ZDHHC18: variants seen among roughly 807,000 people sequenced by gnomAD.
ZDHHC18 encodes zDHHC palmitoyltransferase 18.
In ZDHHC18, 23 loss-of-function variants were observed where a neutral mutation model predicts 37.5. The observed-to-expected ratio is 0.61, with a 90% CI of 0.44 to 0.87. The LOEUF is 0.87. ZDHHC18 is among the 40% of genes least tolerant of loss of function. The pLI is 0.00. For missense variants in ZDHHC18, 406 were observed against 525.6 expected, an observed-to-expected ratio of 0.77 and a Z score of 2.22; for synonymous variants, 185 against 218.7, an observed-to-expected ratio of 0.85 and a Z score of 1.36.
intron 2 of ZDHHC18, among the ~76,000 whole-genome samples, chr1:26,846,517 C>T (rs530092666): frequency 2.0e-5 from 3 of 149,946 alleles, no homozygotes; most frequent in South Asian, 2.1e-4. Context: ...TTAGTAGAGA[C>T]GGGGTTTCAC....
Position 26,853,759 on chromosome 1 carries a change from C to T in ZDHHC18, c.1083C>T (p.Asp361=), listed in dbSNP as rs1343822136. The T allele has an allele frequency of 4.3e-6, 7 of 1,613,980 alleles. No individual in the cohort carries two copies. The highest frequency in any genetic ancestry group is 1.7e-5 in the Admixed American group (1 of 60,002). Residue 361 remains aspartate, a synonymous_variant, in exon 8 of 8, where the codon GAC becomes GAT. Transcript: ENST00000374142. ...ACCGGAGGGGATTTGTGCAGTCCGA[C>T]ACCGTGTTGCCCTCACCCATCAGAA... The part of the protein sequence containing the change: ...LIDRRGFVQS[D]TVLPSPIRSD...
intron 2 of ZDHHC18, among the ~76,000 whole-genome samples, chr1:26,846,348 G>A (rs1234266575): frequency 1.6e-4 from 11 of 70,756 alleles, no homozygotes; most frequent in African/African-American, 4.9e-4. Context: ...TTTTTTTGAG[G>A]CAGAGTCTCG....
At chr1:26,845,467 G>T (rs2081659307) in intron 2 of ZDHHC18, among the ~76,000 whole-genome samples, 1 of 148,454 alleles carries the variant, frequency 6.7e-6, no homozygotes, top group African/African-American at 2.5e-5. Context: ...TGAGTAGCTG[G>T]GATTACAGGC....
At chr1:26,830,518 T>C (rs563565977) in intron 1 of ZDHHC18, among the ~76,000 whole-genome samples, 3 of 151,988 alleles carry the variant, frequency 2.0e-5, no homozygotes, top group East Asian at 1.9e-4. Context: ...ATCTACATAG[T>C]ACAGTAACTA....
In ZDHHC18 at chr1:26,846,791, A is replaced by G. The variant is rs190035818; in HGVS notation, c.497-1817A>G. 1.1e-3 allele frequency among the ~76,000 whole-genome samples: 164 copies of G among 152,326 alleles called. 1 individual carries two copies. The highest frequency in any genetic ancestry group is 6.8e-3 in the Middle Eastern group (2 of 294). ...TATTTCATAGTAAATTATAGACATC[A>G]TAGATACTTTACCTATAAATATTTC... On this transcript the variant is annotated intron_variant, in intron 2 of 7. Transcript: ENST00000374142.
intron 2 of ZDHHC18, among the ~76,000 whole-genome samples, chr1:26,841,823 A>G (rs1041622057): frequency 6.6e-5 from 10 of 152,076 alleles, no homozygotes; most frequent in African/African-American, 2.4e-4. Context: ...GACTTGACCC[A>G]TCTCTATTTT....
chr1:26,848,315 GA>G (rs35673760), intron 2 of ZDHHC18, among the ~76,000 whole-genome samples: 139 of 138,952 alleles, frequency 1.0e-3, no homozygotes, highest in Middle Eastern at 3.7e-3. Flanking sequence ...TCTGCCTCAG[GA>G]AAAAAAAAAA....
In ZDHHC18 at chr1:26,851,120, T is replaced by C; in HGVS notation, c.834-9T>C. The stretch of plus-strand genomic sequence containing the variant: ...CCCTCCACCCATTGAAGTCCTTAAC[T>C]GCCCTCACCGTGCTGGAGTTGGTGA... On this transcript the variant is annotated splice_polypyrimidine_tract_variant and intron_variant, in intron 5 of 7. Coordinates refer to ENST00000374142, the MANE Select transcript of ZDHHC18 (RefSeq NM_032283.3). 3 of 1,613,922 alleles carry C rather than the reference T, an allele frequency of 1.9e-6. No individual in the cohort carries two copies. Among genetic ancestry groups the C allele is most frequent in the Non-Finnish European group, 2.5e-6 (3 of 1,179,768 alleles).
chr1:26,831,443 G>T (rs1405016341), intron 1 of ZDHHC18, among the ~76,000 whole-genome samples: 1 of 152,192 alleles, frequency 6.6e-6, no homozygotes, highest in African/African-American at 2.4e-5. Context: ...GAAAGCAATT[G>T]GGAGGTTTTA....
chr1:26,838,186 A>C (rs972285701), intron 2 of ZDHHC18, among the ~76,000 whole-genome samples: 1 of 150,114 alleles, frequency 6.7e-6, no homozygotes, highest in African/African-American at 2.5e-5. Context: ...GTAGAGATGG[A>C]GTTTCTCCAT....
At chr1:26,832,208 A>G in intron 1 of ZDHHC18, 1 of 524,368 alleles carries the variant, frequency 1.9e-6, no homozygotes, top group Non-Finnish European at 3.4e-6. Flanking sequence ...TCTATTGGAC[A>G]CATCTGCCAT....
chr1:26,827,520 C>G (rs2124242791), intron 1 of ZDHHC18, among the ~76,000 whole-genome samples: 1 of 151,948 alleles, frequency 6.6e-6, no homozygotes, highest in African/African-American at 2.4e-5. Flanking sequence ...TTGAACAGGC[C>G]CCTCCTGCTC....
chr1:26,849,745 C>T (rs546130981), intron 3 of ZDHHC18, among the ~76,000 whole-genome samples: 4 of 152,338 alleles, frequency 2.6e-5, no homozygotes, highest in East Asian at 1.9e-4. Context: ...CTCCCTGGGC[C>T]GCTAGTCCTA....
At chr1:26,827,557 A>G (rs1357394095) in intron 1 of ZDHHC18, among the ~76,000 whole-genome samples, 1 of 149,982 alleles carries the variant, frequency 6.7e-6, no homozygotes, top group Admixed American at 6.6e-5. Flanking sequence ...TCTCTTGCCA[A>G]CCCCCCAAGT....
intron 2 of ZDHHC18, among the ~76,000 whole-genome samples, chr1:26,837,460 ATTATTTAT>A (rs756559483): frequency 1.1e-3 from 166 of 144,974 alleles, no homozygotes; most frequent in African/African-American, 2.8e-3. Context: ...TATTATGTAT[ATTATTTAT>A]TTATTTATTT....
In ZDHHC18 at chr1:26,852,996, G is replaced by T. The variant is rs187777072; in HGVS notation, c.1049+131G>T. ...GTCCACTACCCCCTGGAGGGCATTTGTCATGTGACGGAATTCCATGGAGAA... is the reference window on the plus strand; with the variant it reads ...GTCCACTACCCCCTGGAGGGCATTTTTCATGTGACGGAATTCCATGGAGAA... On this transcript the variant is annotated intron_variant, in intron 7 of 7. Coordinates refer to ENST00000374142, the MANE Select transcript of ZDHHC18 (RefSeq NM_032283.3). The T allele has an allele frequency of 1.5e-3, 1,022 of 678,766 alleles. 8 individuals are homozygous for T. In the African/African-American group the frequency reaches 0.017, roughly 11 times the overall value. 42.0% of individuals were successfully genotyped at this position (678,766 alleles called of 1,614,324 possible). A position where few individuals can be genotyped will look rare whatever the true frequency, so the allele number is the denominator to read the frequency against.
intron 2 of ZDHHC18, among the ~76,000 whole-genome samples, chr1:26,836,457 C>A (rs1441374613): frequency 6.6e-6 from 1 of 152,146 alleles, no homozygotes; most frequent in Admixed American, 6.6e-5. Context: ...ACAAACCCCA[C>A]AGAATTTGGG....
At chr1:26,835,896 C>T (rs1353685587) in intron 2 of ZDHHC18, among the ~76,000 whole-genome samples, 1 of 152,088 alleles carries the variant, frequency 6.6e-6, no homozygotes, top group South Asian at 2.1e-4. Flanking sequence ...CAACTCCAGC[C>T]CAACAGGTCT....
Position 26,826,921 on chromosome 1 carries a change from G to T in ZDHHC18, c.117G>T (p.Pro39=), listed in dbSNP as rs1334361147. The T allele has an allele frequency of 1.2e-5, 12 of 1,017,528 alleles. No homozygotes were observed. Among genetic ancestry groups the T allele is most frequent in the Non-Finnish European group, 1.4e-5 (12 of 852,630 alleles). 63.0% of individuals were successfully genotyped at this position (1,017,528 alleles called of 1,614,324 possible). A position where few individuals can be genotyped will look rare whatever the true frequency, so the allele number is the denominator to read the frequency against. ...CGACTCCGGGCCCCGGGCCCGCGCCGCCCGCCGCCCCCGCCCCGCCGCGCT... is the reference window on the plus strand; with the variant it reads ...CGACTCCGGGCCCCGGGCCCGCGCCTCCCGCCGCCCCCGCCCCGCCGCGCT... ...ASPTPGPGPA[P]PAAPAPPRWS... The change falls in exon 1 of 8, where the codon CCG becomes CCT. Residue 39 remains proline (P), a synonymous_variant. Transcript: ENST00000374142. The surrounding 1 kb of genome is among the most constrained non-coding windows in gnomAD (Gnocchi z 5.2).
Sources: gnomAD v4.1 joint callset for allele counts (sites outside exome capture counted in the v4.1 genomes callset) on GRCh38, gnomAD v4.1.1 for gene constraint, Gnocchi (gnomAD v3.1) non-coding constraint, MANE v1.5 for transcripts, NCBI Gene and HGNC (gene_info 2026-07-23, HGNC 2026-07-21) for gene names.